The following SPEN variants were observed in gnomAD, a reference collection of about 807,000 sequenced individuals.
The protein encoded by SPEN is msx2-interacting protein.
SPEN carries 18 observed loss-of-function variants against 269.9 expected under a neutral mutation model. The observed-to-expected ratio is 0.07, with a 90% CI of 0.05 to 0.10. The LOEUF is 0.10. Ranked by LOEUF, SPEN falls within the 10% of genes least tolerant of loss-of-function variation. The pLI is 1.00. For missense variants in SPEN, 3,822 were observed against 4,631.2 expected (o/e 0.83, Z 5.07); for synonymous variants, 1,726 against 1,765.7 (o/e 0.98, Z 0.56).
In SPEN at chr1:15,934,432, C is replaced by T; in HGVS notation, c.8192C>T (p.Ala2731Val). Reference sequence around the variant, plus strand: ...GGCACAGTCAATGCCGCTGCGAGTGCAGTGAATGCCACAGCAAGTGCAGTG... The same window carrying T: ...GGCACAGTCAATGCCGCTGCGAGTGTAGTGAATGCCACAGCAAGTGCAGTG... ...APGTVNAAASAVNATASAVTV... is the reference protein window; with the variant it reads ...APGTVNAAASVVNATASAVTV... Residue 2731 changes from alanine to valine, a missense_variant, in exon 11 of 15, where the codon GCA becomes GTA. Physicochemically the swap from Ala to Val is moderately conservative, Grantham distance 64. Around this residue, in one of 16 missense-constraint regions of SPEN, gnomAD observed 329 missense variants for 431.2 expected, o/e 0.76. Coordinates refer to ENST00000375759, the MANE Select transcript of SPEN (RefSeq NM_015001.3). The surrounding 1 kb of genome is among the most constrained non-coding windows in gnomAD (Gnocchi z 9.2). 6.2e-7 allele frequency: 1 copy of T among 1,613,912 alleles called. No homozygotes were observed. Among genetic ancestry groups the T allele is most frequent in the Non-Finnish European group, 8.5e-7 (1 of 1,180,038 alleles).
At chr1:15,924,123 G>A (rs893911711) in intron 10 of SPEN, among the ~76,000 whole-genome samples, 1 of 152,146 alleles carries the variant, frequency 6.6e-6, no homozygotes, top group Non-Finnish European at 1.5e-5. Context: ...TCGATAGACT[G>A]TTTTCTCAGT....
At chr1:15,880,645 A>G (rs911139471) in intron 3 of SPEN, among the ~76,000 whole-genome samples, 11 of 151,634 alleles carry the variant, frequency 7.3e-5, no homozygotes, top group African/African-American at 2.4e-4. Flanking sequence ...TAGTAGAGAC[A>G]GGGGTTTCAC....
chr1:15,939,538 C>A lies in SPEN; in HGVS notation c.*111C>A. 7.5e-7 allele frequency: 1 copy of A among 1,329,320 alleles called. No homozygotes were observed. The highest frequency in any genetic ancestry group is 1.0e-6 in the Non-Finnish European group (1 of 1,002,016). The allele number at this position is 1,329,320 out of a possible 1,614,324, so 82.3% of individuals were successfully genotyped here. ...CTGCCGAAGGGGACAGACTCCACTG[C>A]CAGACGGCCAGCCGTTTGCTGTCCT... On this transcript the variant is annotated 3_prime_UTR_variant, in exon 15 of 15. Coordinates refer to ENST00000375759, the MANE Select transcript of SPEN (RefSeq NM_015001.3). This position sits in a 1 kb window ranked among gnomAD's most constrained non-coding sequence, Gnocchi z 4.1.
At position 15,868,315 on chromosome 1, in the gene SPEN, G is replaced by A. The variant is rs546050874; in HGVS notation, c.84-4501G>A. Among the ~76,000 whole-genome samples, 31 of 151,742 alleles carry A rather than the reference G, an allele frequency of 2.0e-4. No homozygotes were observed. In the South Asian group the frequency reaches 5.6e-3, roughly 27 times the overall value. On this transcript the variant is annotated intron_variant, in intron 1 of 14. Coordinates refer to ENST00000375759, the MANE Select transcript of SPEN (RefSeq NM_015001.3). The stretch of plus-strand genomic sequence containing the variant: ...AGCCACTGTGTCCAGTCTCATTTTA[G>A]AAAATTGGATTGTGCTTTTCATTGA...
intron 5 of SPEN, among the ~76,000 whole-genome samples, chr1:15,912,610 C>T (rs1442720301): frequency 1.3e-5 from 2 of 152,118 alleles, no homozygotes; most frequent in Non-Finnish European, 2.9e-5. Context: ...AAAATGGTCA[C>T]TCTGTGATGT....
intron 1 of SPEN, among the ~76,000 whole-genome samples, chr1:15,862,878 C>T (rs1376596735): frequency 1.3e-5 from 2 of 152,032 alleles, no homozygotes; most frequent in Admixed American, 1.3e-4. Flanking sequence ...TCTCCTGCCT[C>T]AGCCTCCTGA....
intron 1 of SPEN, among the ~76,000 whole-genome samples, chr1:15,863,545 T>C (rs919059323): frequency 2.0e-5 from 3 of 152,102 alleles, no homozygotes; most frequent in Admixed American, 2.0e-4. Flanking sequence ...GTTTCTAATA[T>C]AAAAAAGTAA....
In SPEN at chr1:15,928,843, C is replaced by T. The variant is rs200134542; in HGVS notation, c.2603C>T (p.Ala868Val). Residue 868 changes from alanine to valine, a missense_variant, in exon 11 of 15, where the codon GCG becomes GTG. By Grantham distance (64) the Ala-to-Val change is moderately conservative (BLOSUM62 0). Coordinates refer to ENST00000375759, the MANE Select transcript of SPEN (RefSeq NM_015001.3). The surrounding 1 kb of genome is among the most constrained non-coding windows in gnomAD (Gnocchi z 5.7). ...SREKADKEGI[A>V]KNRLELMPCV... ...GAGAAAGCTGACAAAGAGGGAATAGCGAAAAACCGCCTGGAACTCATGCCT... is the reference window on the plus strand; with the variant it reads ...GAGAAAGCTGACAAAGAGGGAATAGTGAAAAACCGCCTGGAACTCATGCCT... 2.7e-5 allele frequency: 44 copies of T among 1,613,860 alleles called. No homozygotes were observed. The highest frequency in any genetic ancestry group is 5.3e-5 in the African/African-American group (4 of 74,862).
intron 1 of SPEN, among the ~76,000 whole-genome samples, chr1:15,870,532 A>G: frequency 6.6e-6 from 1 of 152,198 alleles, no homozygotes; most frequent in East Asian, 1.9e-4. Context: ...ATTAGATGCA[A>G]AATTTGAATG....
Position 15,938,731 on chromosome 1 carries a change from A to T in SPEN, c.10718A>T (p.Tyr3573Phe), listed in dbSNP as rs1217605469. ...CCTCTGCCTCAGGTGGAGACAGATTACTGTCTGCTGCTGGCTCTGCCCTGT... is the reference window on the plus strand; with the variant it reads ...CCTCTGCCTCAGGTGGAGACAGATTTCTGTCTGCTGCTGGCTCTGCCCTGT... Reference protein sequence around the residue: ...VARRMTVETDYCLLLALPCGR... With the variant: ...VARRMTVETDFCLLLALPCGR... The change falls in exon 14 of 15, where the codon TAC becomes TTC. Residue 3573 changes from tyrosine to phenylalanine, a missense_variant. This residue lies in a region of SPEN where 103 missense variants were observed against 215.8 expected (regional missense o/e 0.48). Transcript: ENST00000375759. The T allele has an allele frequency of 1.9e-6, 3 of 1,613,582 alleles. No individual in the cohort carries two copies. Among genetic ancestry groups the T allele is most frequent in the Admixed American group, 3.3e-5 (2 of 59,988 alleles).
At chr1:15,924,730 G>A (rs948495204) in intron 10 of SPEN, among the ~76,000 whole-genome samples, 3 of 152,190 alleles carry the variant, frequency 2.0e-5, no homozygotes, top group Admixed American at 6.5e-5. Context: ...AAAGTGCTGG[G>A]ATTACAGATG....
At chr1:15,883,775 C>CT (rs892338385) in intron 3 of SPEN, among the ~76,000 whole-genome samples, 24 of 139,044 alleles carry the variant, frequency 1.7e-4, no homozygotes, top group Non-Finnish European at 3.4e-4. Flanking sequence ...AACCCTATTA[C>CT]TTTTTTTCCT....
chr1:15,888,580 T>C (rs2070757745), intron 3 of SPEN, among the ~76,000 whole-genome samples: 1 of 151,936 alleles, frequency 6.6e-6, no homozygotes, highest in African/African-American at 2.4e-5. Context: ...CAGCTTTGCC[T>C]CCCAAAGTGC....
chr1:15,934,214 G>A lies in SPEN; in HGVS notation c.7974G>A (p.Val2658=). Residue 2658 remains valine, a synonymous_variant, in exon 11 of 15, where the codon GTG becomes GTA. Transcript: ENST00000375759. The surrounding 1 kb of genome is among the most constrained non-coding windows in gnomAD (Gnocchi z 9.2). ...TGLVSALTGL[V]NVSLVPVNAL... ...TGGTGAGCGCACTCACTGGCCTGGTGAACGTCTCCCTGGTCCCGGTGAATG... is the reference window on the plus strand; with the variant it reads ...TGGTGAGCGCACTCACTGGCCTGGTAAACGTCTCCCTGGTCCCGGTGAATG... 6.2e-7 allele frequency: 1 copy of A among 1,614,228 alleles called. No homozygotes were observed. Among genetic ancestry groups the A allele is most frequent in the Non-Finnish European group, 8.5e-7 (1 of 1,180,048 alleles).
intron 4 of SPEN, among the ~76,000 whole-genome samples, chr1:15,910,124 T>TAA (rs57198076): frequency 1.8e-3 from 117 of 65,662 alleles, no homozygotes; most frequent in Non-Finnish European, 2.6e-3. Context: ...ACTCTGTCTC[T>TAA]AAAAAAAAAA....
chr1:15,858,979 A>G (rs1008485622), intron 1 of SPEN, among the ~76,000 whole-genome samples: 5 of 152,164 alleles, frequency 3.3e-5, no homozygotes, highest in African/African-American at 1.2e-4. Context: ...ATGTTTTGAA[A>G]TAGTGTATAG....
At chr1:15,860,947 C>T (rs1283153306) in intron 1 of SPEN, among the ~76,000 whole-genome samples, 2 of 151,944 alleles carry the variant, frequency 1.3e-5, no homozygotes, top group South Asian at 2.1e-4. Flanking sequence ...CTCTGTGGCC[C>T]AGGCTGGAGA....
rs2071250648 is a variant in SPEN at position 15,934,175 on chromosome 1, A to G, written c.7935A>G (p.Gln2645=). Residue 2645 remains glutamine, a synonymous_variant, in exon 11 of 15, where the codon CAA becomes CAG. Coordinates refer to ENST00000375759, the MANE Select transcript of SPEN (RefSeq NM_015001.3). This position sits in a 1 kb window ranked among gnomAD's most constrained non-coding sequence, Gnocchi z 9.2. The part of the protein sequence containing the change: ...QKITLAKPAP[Q]TLTGLVSALT... ...TAACCTTGGCAAAACCAGCTCCTCA[A>G]ACCCTCACTGGTCTGGTGAGCGCAC... 1 of 1,614,222 alleles carries G rather than the reference A, an allele frequency of 6.2e-7. No individual in the cohort carries two copies. Among genetic ancestry groups the G allele is most frequent in the Non-Finnish European group, 8.5e-7 (1 of 1,180,034 alleles).
At chr1:15,897,311 C>T (rs982389835) in intron 3 of SPEN, among the ~76,000 whole-genome samples, 17 of 152,022 alleles carry the variant, frequency 1.1e-4, no homozygotes, top group Non-Finnish European at 1.9e-4. Context: ...GTCTCAGCCA[C>T]CCGAGTAGCT....
Sources: gnomAD v4.1 joint callset for allele counts (sites outside exome capture counted in the v4.1 genomes callset) on GRCh38, gnomAD v4.1.1 for gene constraint, gnomAD v4.1.1 regional missense constraint, Gnocchi (gnomAD v3.1) non-coding constraint, MANE v1.5 for transcripts, NCBI Gene and HGNC (gene_info 2026-07-23, HGNC 2026-07-21) for gene names.